The following LMTK3 variants were observed in gnomAD, a reference collection of about 807,000 sequenced individuals.
The protein encoded by LMTK3 is lemur tail kinase 3.
Under a neutral mutation model 116.7 loss-of-function variants are expected in LMTK3, and 27 were observed. That is an observed-to-expected ratio of 0.23 (90% CI 0.17 to 0.32). The LOEUF (loss-of-function observed/expected upper bound fraction) is 0.32, where lower values mean the gene tolerates loss of function less well. Among genes scored for constraint, LMTK3 ranks in the 10% least tolerant of loss-of-function variants. The probability of loss-of-function intolerance (pLI) is 1.00; values close to 1 mark genes in which losing one functional copy is unlikely to be tolerated. For missense variants in LMTK3, 1,764 were observed against 2,068.5 expected, an observed-to-expected ratio of 0.85 and a Z score of 2.86; for synonymous variants, 965 against 971.0, an observed-to-expected ratio of 0.99 and a Z score of 0.11.
rs984524061 is a variant in LMTK3 at position 48,491,605 on chromosome 19, C to A, written c.4093-66G>T. 128 of 1,247,298 alleles carry A rather than the reference C, an allele frequency of 1.0e-4. 2 individuals carry two copies. In the South Asian group the frequency reaches 1.8e-3, roughly 18 times the overall value. 77.3% of individuals were successfully genotyped at this position (1,247,298 alleles called of 1,614,324 possible). ...TTCACGTCCCATTTACCGCATCCCC[C>A]AAAAGCAACAAAACCGGCTAATATT... On this transcript the variant is annotated intron_variant, in intron 12 of 14. Transcript: ENST00000600059. This position sits in a 1 kb window ranked among gnomAD's most constrained non-coding sequence, Gnocchi z 5.1.
rs530329156 is a variant in LMTK3, at chr19:48,500,422, C to CA, written c.1152-506dup. On this transcript the variant is annotated intron_variant, in intron 10 of 14. Transcript: ENST00000600059. The surrounding 1 kb of genome is among the most constrained non-coding windows in gnomAD (Gnocchi z 4.0). Reference sequence around the variant, plus strand: ...CTGGGCAACAAAAGCAAAAATCTGCCAAAAAAAAAGAAAGAGAGAGAGGGA... The same window carrying CA: ...CTGGGCAACAAAAGCAAAAATCTGCCAAAAAAAAAAGAAAGAGAGAGAGGGA... Among the ~76,000 whole-genome samples the CA allele has an allele frequency of 6.4e-3, 883 of 137,714 alleles. 6 individuals carry two copies. Among genetic ancestry groups the CA allele is most frequent in the Middle Eastern group, 0.02 (4 of 204 alleles). The allele number at this position is 137,714 out of a possible 152,430, so 90.3% of individuals were successfully genotyped here. A position where few individuals can be genotyped will look rare whatever the true frequency, so the allele number is the denominator to read the frequency against.
chr19:48,501,217 C>G, intron 9 of LMTK3, 66 bp downstream of exon 9: 1 of 1,606,756 alleles, frequency 6.2e-7, no homozygotes, highest in African/African-American at 1.3e-5. Context: ...TCTGTAGAAC[C>G]GGTGGCATCT....
intron 5 of LMTK3, among the ~76,000 whole-genome samples, chr19:48,504,166 C>T (rs75282573): frequency 1.3e-5 from 2 of 152,202 alleles, no homozygotes; most frequent in African/African-American, 2.4e-5. Context: ...CCGCACCCTG[C>T]CTGCACCTAC....
At chr19:48,492,704 A>G (rs1044331573) in intron 12 of LMTK3, among the ~76,000 whole-genome samples, 4 of 151,904 alleles carry the variant, frequency 2.6e-5, no homozygotes, top group Non-Finnish European at 4.4e-5. Flanking sequence ...ACCATGCCCA[A>G]ACTCTCACTA....
At chr19:48,509,047 A>C in intron 4 of LMTK3, 78 bp from the exon 5 acceptor site, 2 of 903,958 alleles carry the variant, frequency 2.2e-6, no homozygotes, top group Non-Finnish European at 3.4e-6. Context: ...ACTCCACCAC[A>C]CAGCTCCCAA....
chr19:48,508,616 A>G (rs1320696880), intron 5 of LMTK3, among the ~76,000 whole-genome samples: 1 of 152,086 alleles, frequency 6.6e-6, no homozygotes. Context: ...TTCAGAGGGG[A>G]GAGGAGCAGG....
intron 11 of LMTK3, among the ~76,000 whole-genome samples, chr19:48,496,124 G>T (rs4802485): frequency 0.88 from 133,999 of 152,064 alleles, 59,531 homozygotes; most frequent in Non-Finnish European, 0.91. Flanking sequence ...GTTTTGTTTT[G>T]TTTGAGACAG....
chr19:48,491,227 G>C lies in LMTK3; in HGVS notation c.4247C>G (p.Ala1416Gly). The change falls in exon 14 of 15, where the codon GCG becomes GGG. Residue 1416 changes from alanine to glycine, a missense_variant. Coordinates refer to ENST00000600059, the MANE Select transcript of LMTK3 (RefSeq NM_001388485.1). This position sits in a 1 kb window ranked among gnomAD's most constrained non-coding sequence, Gnocchi z 5.1. Reference sequence around the variant, plus strand: ...AGGGGGGAGGAGGGGGAAATCCTCCGCCCACTCGAAACTGCCTCCTGCGGC... The same window carrying C: ...AGGGGGGAGGAGGGGGAAATCCTCCCCCCACTCGAAACTGCCTCCTGCGGC... The part of the protein sequence containing the change: ...DSGFGGSFEW[A>G]EDFPLLPPPG... 1 of 1,409,088 alleles carries C rather than the reference G, an allele frequency of 7.1e-7. No individual in the cohort carries two copies. The highest frequency in any genetic ancestry group is 3.1e-5 in the Admixed American group (1 of 31,790). 87.3% of individuals were successfully genotyped at this position (1,409,088 alleles called of 1,614,324 possible). A position where few individuals can be genotyped will look rare whatever the true frequency, so the allele number is the denominator to read the frequency against.
At chr19:48,511,369 CG>C (rs1226280394) in intron 1 of LMTK3, 131 bp downstream of exon 1, 1 of 425,456 alleles carries the variant, frequency 2.4e-6, no homozygotes, top group East Asian at 3.6e-5. Flanking sequence ...CCCGCCGCTC[CG>C]GGCCCTGCTG....
intron 7 of LMTK3, among the ~76,000 whole-genome samples, chr19:48,502,164 T>G (rs1601052875): frequency 1.2e-5 from 1 of 84,492 alleles, no homozygotes. Flanking sequence ...CCCCCTCCCC[T>G]GGTTCCTCCT....
intron 11 of LMTK3, among the ~76,000 whole-genome samples, chr19:48,496,304 T>C (rs1289383575): frequency 6.7e-6 from 1 of 149,644 alleles, no homozygotes; most frequent in African/African-American, 2.5e-5. Context: ...TTCTTTTCTT[T>C]TTTTTTTTTT....
chr19:48,493,246 A>G (rs1424525839), intron 12 of LMTK3, among the ~76,000 whole-genome samples: 1 of 68,326 alleles, frequency 1.5e-5, no homozygotes, highest in South Asian at 4.1e-4. Context: ...ACCCCGCCCC[A>G]CCCTAAGCTC....
intron 1 of LMTK3, 118 bp downstream of exon 1, chr19:48,511,383 C>T: frequency 2.9e-6 from 1 of 348,140 alleles, no homozygotes; most frequent in Non-Finnish European, 5.0e-6. Flanking sequence ...CCCTGCTGGG[C>T]TGCGGGAAGA....
At position 48,485,523 on chromosome 19, in the gene LMTK3, G is replaced by A. The variant is rs1417707683; in HGVS notation, c.*250C>T. The A allele has an allele frequency of 3.5e-5, 19 of 542,560 alleles. No homozygotes were observed. The highest frequency in any genetic ancestry group is 4.3e-5 in the Non-Finnish European group (13 of 302,176). The allele number at this position is 542,560 out of a possible 1,614,324, so 33.6% of individuals were successfully genotyped here. On this transcript the variant is annotated 3_prime_UTR_variant, in exon 15 of 15. Transcript: ENST00000600059. ...GAGAAAGGCGGCTCTCTATGGAGGG[G>A]CGGGGGGATTCCTGCCTCATTTGGC...
At chr19:48,508,062 G>A (rs1004812639) in intron 5 of LMTK3, among the ~76,000 whole-genome samples, 5 of 152,082 alleles carry the variant, frequency 3.3e-5, no homozygotes, top group Admixed American at 1.3e-4. Context: ...GGTCCGATGC[G>A]CTGCGGCAGG....
rs1471194556 is a variant in LMTK3, at chr19:48,485,700, G to C, written c.*73C>G. On this transcript the variant is annotated 3_prime_UTR_variant, in exon 15 of 15. Coordinates refer to ENST00000600059, the MANE Select transcript of LMTK3 (RefSeq NM_001388485.1). ...GGCGGCGTCTGCGGTGGTGGCAGTG[G>C]CGCCGTCATCCACAGAGGATTCCAT... The C allele has an allele frequency of 2.0e-6, 3 of 1,522,138 alleles. No homozygotes were observed. The highest frequency in any genetic ancestry group is 2.7e-6 in the Non-Finnish European group (3 of 1,112,300). 94.3% of individuals were successfully genotyped at this position (1,522,138 alleles called of 1,614,324 possible). A position where few individuals can be genotyped will look rare whatever the true frequency, so the allele number is the denominator to read the frequency against.
In LMTK3 at chr19:48,498,904, A is replaced by G; in HGVS notation, c.2165T>C (p.Met722Thr). 1.6e-6 allele frequency: 2 copies of G among 1,235,308 alleles called. No individual in the cohort carries two copies. The highest frequency in any genetic ancestry group is 2.0e-6 in the Non-Finnish European group (2 of 984,868). The allele number at this position is 1,235,308 out of a possible 1,614,324, so 76.5% of individuals were successfully genotyped here. ...AERGSLADLP[M>T]APPASAPPEF... ...GGGGGGGGCCGAGGCGGGGGGGGCC[A>G]TGGGCAAGTCGGCCAGGGAGCCCCG... The change falls in exon 11 of 15, where the codon ATG (methionine) becomes ACG (threonine). Residue 722 changes from methionine (M) to threonine (T), a missense_variant. This residue lies in a region of LMTK3 where 1,028 missense variants were observed against 1,050.6 expected (regional missense o/e 0.98). Transcript: ENST00000600059.
rs1338963915 is a variant in LMTK3 at position 48,491,703 on chromosome 19, C to T, written c.4093-164G>A. 6.6e-6 allele frequency among the ~76,000 whole-genome samples: 1 copy of T among 152,252 alleles called. No homozygotes were observed. Among genetic ancestry groups the T allele is most frequent in the Non-Finnish European group, 1.5e-5 (1 of 68,034 alleles). On this transcript the variant is annotated intron_variant, in intron 12 of 14. Transcript: ENST00000600059. The surrounding 1 kb of genome is among the most constrained non-coding windows in gnomAD (Gnocchi z 5.1). ...TGGAGAGGTGGCTGGAGCCCCTAAT[C>T]TGGCTTCGAAGCCTTGGGCCAGCCT...
intron 5 of LMTK3, among the ~76,000 whole-genome samples, chr19:48,505,985 A>G (rs2147557115): frequency 6.6e-6 from 1 of 151,940 alleles, no homozygotes; most frequent in Non-Finnish European, 1.5e-5. Context: ...TACTAAAAAT[A>G]CCAAAAATTA....
Sources: allele counts gnomAD v4.1 joint callset (sites outside exome capture counted in the v4.1 genomes callset), GRCh38; gene constraint gnomAD v4.1.1; regional missense constraint gnomAD v4.1.1; non-coding constraint Gnocchi (gnomAD v3.1); transcripts MANE v1.5; gene names NCBI Gene and HGNC (gene_info 2026-07-23, HGNC 2026-07-21).